CCSER1: variants seen among roughly 807,000 people sequenced by gnomAD.
CCSER1 encodes coiled-coil serine rich protein 1.
In CCSER1, 41 loss-of-function variants were observed where a neutral mutation model predicts 82.0. The observed-to-expected ratio is 0.50, with a 90% CI of 0.39 to 0.65. The LOEUF is 0.65. Ranked by LOEUF, CCSER1 falls within the 30% of genes least tolerant of loss-of-function variation. The pLI, the probability that CCSER1 is intolerant of heterozygous loss-of-function variation, is 0.00. For synonymous variants in CCSER1, 414 were observed against 383.9 expected, an observed-to-expected ratio of 1.08 and a Z score of -0.92; for missense variants, 1,119 against 1,064.2, an observed-to-expected ratio of 1.05 and a Z score of -0.72.
At chr4:91,318,642 T>C (rs1270812624) in intron 10 of CCSER1, among the ~76,000 whole-genome samples, 1 of 152,060 alleles carries the variant, frequency 6.6e-6, no homozygotes, top group Non-Finnish European at 1.5e-5. Flanking sequence ...TAGCTAATTT[T>C]CTTTCTTAAA....
intron 1 of CCSER1, among the ~76,000 whole-genome samples, chr4:90,306,179 G>C (rs1395545597): frequency 6.6e-6 from 1 of 152,158 alleles, no homozygotes; most frequent in Non-Finnish European, 1.5e-5. Context: ...GGAAGGACCG[G>C]GGGCTGGGGT....
chr4:90,932,982 G>GAGAAAA (rs1730230217), intron 9 of CCSER1, among the ~76,000 whole-genome samples: 1 of 18,856 alleles, frequency 5.3e-5, no homozygotes, highest in African/African-American at 3.6e-4. Flanking sequence ...AAGAAAGAAA[G>GAGAAAA]AGAAAGAAAG....
At chr4:91,184,168 T>C (rs1260904259) in intron 10 of CCSER1, among the ~76,000 whole-genome samples, 7 of 152,208 alleles carry the variant, frequency 4.6e-5, no homozygotes, top group Non-Finnish European at 1.0e-4. Context: ...ATCATCCATA[T>C]AGTGAATAAT....
chr4:90,303,685 T>A (rs370786436), intron 1 of CCSER1, among the ~76,000 whole-genome samples: 8 of 152,068 alleles, frequency 5.3e-5, no homozygotes, highest in Non-Finnish European at 8.8e-5. Flanking sequence ...TTAGACCTAA[T>A]ACCATAAAAA....
intron 3 of CCSER1, among the ~76,000 whole-genome samples, chr4:90,358,543 A>C (rs1362453481): frequency 3.9e-5 from 6 of 152,176 alleles, no homozygotes; most frequent in Non-Finnish European, 8.8e-5. Flanking sequence ...TTGTGGACTT[A>C]TATATTTAAA....
chr4:91,282,509 T>G (rs1368533008), intron 10 of CCSER1, among the ~76,000 whole-genome samples: 1 of 152,132 alleles, frequency 6.6e-6, no homozygotes, highest in Non-Finnish European at 1.5e-5. Flanking sequence ...TACTCACAAG[T>G]CGCTCTTCAG....
chr4:90,998,735 T>C (rs1737729683), intron 9 of CCSER1, among the ~76,000 whole-genome samples: 1 of 147,390 alleles, frequency 6.8e-6, no homozygotes, highest in South Asian at 2.2e-4. Flanking sequence ...TTTTTTTTTT[T>C]ACTTTTACAT....
chr4:90,399,847 A>C (rs1752556185), intron 3 of CCSER1, among the ~76,000 whole-genome samples, 189 bp from the exon 4 acceptor site: 1 of 152,142 alleles, frequency 6.6e-6, no homozygotes, highest in Non-Finnish European at 1.5e-5. Flanking sequence ...GAGGTTTTAG[A>C]ATAAGTCTTG....
Position 90,394,325 on chromosome 4 carries a change from G to C in CCSER1, c.1510-5711G>C, listed in dbSNP as rs140259703. On this transcript the variant is annotated intron_variant, in intron 3 of 10. Transcript: ENST00000509176. ...TTACATTCATTGTCATATCCCTAGA[G>C]CTTAGAAAATTAATTCTTGAATTAC... is the stretch of plus-strand genomic sequence containing the variant. 8.2e-3 allele frequency among the ~76,000 whole-genome samples: 1,248 copies of C among 152,072 alleles called. 12 individuals carry two copies. The highest frequency in any genetic ancestry group is 0.03 in the South Asian group (145 of 4,804).
At chr4:91,575,105 A>C (rs1168016291) in intron 10 of CCSER1, among the ~76,000 whole-genome samples, 1 of 152,038 alleles carries the variant, frequency 6.6e-6, no homozygotes, top group Non-Finnish European at 1.5e-5. Flanking sequence ...CCAAGAATAC[A>C]CAATGAGGAA....
chr4:90,306,018 T>G (rs1437551620), intron 1 of CCSER1, among the ~76,000 whole-genome samples: 1 of 152,236 alleles, frequency 6.6e-6, no homozygotes, highest in Non-Finnish European at 1.5e-5. Context: ...TTCTGTCACA[T>G]GTCACAACAT....
intron 7 of CCSER1, among the ~76,000 whole-genome samples, chr4:90,779,402 A>G (rs1037938278): frequency 4.6e-5 from 7 of 151,968 alleles, no homozygotes; most frequent in African/African-American, 1.7e-4. Context: ...CATAACGCTC[A>G]TCATACTTTA....
At chr4:91,109,456 C>T (rs1342511039) in intron 10 of CCSER1, among the ~76,000 whole-genome samples, 2 of 151,612 alleles carry the variant, frequency 1.3e-5, no homozygotes, top group Non-Finnish European at 2.9e-5. Context: ...AAGCAAAGGT[C>T]CCAAAGATTA....
chr4:90,982,946 A>G (rs1736250221), intron 9 of CCSER1, among the ~76,000 whole-genome samples: 1 of 151,818 alleles, frequency 6.6e-6, no homozygotes, highest in Non-Finnish European at 1.5e-5. Context: ...CAAGAACACG[A>G]TTGATAGTTA....
rs768794882 is a variant in CCSER1 at position 90,468,256 on chromosome 4, C to T, written c.1626C>T (p.His542=). The change falls in exon 5 of 11, where the codon CAC becomes CAT. Residue 542 remains histidine, a synonymous_variant. Coordinates refer to ENST00000509176, the MANE Select transcript of CCSER1 (RefSeq NM_001145065.2). ...CAGTTTGCCGGGAGGACTCATATCA[C>T]TCTGTCGTCTCATGTGCCGCAGTAG... The part of the protein sequence containing the change: ...HPSVCREDSY[H]SVVSCAAVVL... 9 of 1,605,086 alleles carry T rather than the reference C, an allele frequency of 5.6e-6. No homozygotes were observed. In the South Asian group the frequency reaches 7.8e-5, roughly 14 times the overall value.
At chr4:91,242,722 T>C (rs146479077) in intron 10 of CCSER1, among the ~76,000 whole-genome samples, 1 of 152,234 alleles carries the variant, frequency 6.6e-6, no homozygotes, top group Non-Finnish European at 1.5e-5. Flanking sequence ...TGGACTGGGA[T>C]AAAATATTCA....
chr4:90,919,073 T>TA (rs1192970110), intron 8 of CCSER1, among the ~76,000 whole-genome samples: 1 of 129,666 alleles, frequency 7.7e-6, no homozygotes, highest in Non-Finnish European at 1.6e-5. Flanking sequence ...TAAGTAATCT[T>TA]AAATTGTTTC....
At chr4:91,033,241 G>A (rs373631943) in intron 9 of CCSER1, among the ~76,000 whole-genome samples, 81 of 152,240 alleles carry the variant, frequency 5.3e-4, no homozygotes, top group African/African-American at 1.9e-3. Context: ...TGGGGCAGCT[G>A]GAAGCCAGTG....
intron 1 of CCSER1, among the ~76,000 whole-genome samples, chr4:90,182,688 A>T (rs969148782): frequency 1.3e-5 from 2 of 152,124 alleles, no homozygotes; most frequent in Admixed American, 6.6e-5. Flanking sequence ...CTATTTTGGA[A>T]AGGAAAATTT....
Sources: gnomAD v4.1 joint callset for allele counts (sites outside exome capture counted in the v4.1 genomes callset) on GRCh38, gnomAD v4.1.1 for gene constraint, MANE v1.5 for transcripts, NCBI Gene and HGNC (gene_info 2026-07-23, HGNC 2026-07-21) for gene names.